CLASP1: variants seen among roughly 807,000 people sequenced by gnomAD.
The protein encoded by CLASP1 is cytoplasmic linker associated protein 1.
CLASP1 carries 38 observed loss-of-function variants against 192.3 expected under a neutral mutation model. The ratio of observed to expected loss-of-function variants is 0.20; its 90% confidence interval spans 0.15 to 0.26. The LOEUF (loss-of-function observed/expected upper bound fraction) is 0.26, where lower values mean the gene tolerates loss of function less well. Ranked by LOEUF, CLASP1 falls within the 10% of genes least tolerant of loss-of-function variation. The probability of loss-of-function intolerance (pLI) is 1.00; values close to 1 mark genes in which losing one functional copy is unlikely to be tolerated. For synonymous variants in CLASP1, 691 were observed against 712.8 expected (o/e 0.97, Z 0.49); for missense variants, 1,433 against 1,932.5 (o/e 0.74, Z 4.85).
At chr2:121,469,685 C>T in intron 9 of CLASP1, 123 bp downstream of exon 9, 3 of 880,354 alleles carry the variant, frequency 3.4e-6, no homozygotes, top group Non-Finnish European at 4.9e-6. Context: ...GAATAGCAGG[C>T]AGAAACCTGC....
intron 37 of CLASP1, among the ~76,000 whole-genome samples, chr2:121,356,030 T>C (rs2065317856): frequency 6.6e-6 from 1 of 152,258 alleles, no homozygotes; most frequent in African/African-American, 2.4e-5. Flanking sequence ...GGTGAATGTT[T>C]GCTTAAAGGT....
intron 2 of CLASP1, among the ~76,000 whole-genome samples, chr2:121,571,581 G>C (rs1450763190): frequency 6.6e-6 from 1 of 152,186 alleles, no homozygotes; most frequent in African/African-American, 2.4e-5. Flanking sequence ...GTCTGGCAAA[G>C]TGTGGTGTGG....
intron 34 of CLASP1, among the ~76,000 whole-genome samples, chr2:121,370,924 C>A (rs985889040): frequency 6.6e-6 from 1 of 152,124 alleles, no homozygotes; most frequent in Non-Finnish European, 1.5e-5. Context: ...ACACTGGGTG[C>A]CCATCTACAG....
At chr2:121,459,690 G>C in intron 12 of CLASP1, 1 of 250,228 alleles carries the variant, frequency 4.0e-6, no homozygotes, top group Non-Finnish European at 7.6e-6. Context: ...TGAAAAATCA[G>C]AGAAACAGGA....
chr2:121,373,945 C>G (rs957410367), intron 34 of CLASP1, among the ~76,000 whole-genome samples: 1 of 152,106 alleles, frequency 6.6e-6, no homozygotes, highest in Admixed American at 6.6e-5. Context: ...AAAGAAAAAC[C>G]CATTTTTGGG....
intron 19 of CLASP1, among the ~76,000 whole-genome samples, chr2:121,441,824 A>G (rs1436010375): frequency 6.6e-6 from 1 of 152,234 alleles, no homozygotes; most frequent in East Asian, 1.9e-4. Context: ...ATAGACATGC[A>G]TACTTTTTCC....
intron 30 of CLASP1, among the ~76,000 whole-genome samples, chr2:121,395,126 C>T (rs1326575932): frequency 6.6e-6 from 1 of 152,018 alleles, no homozygotes; most frequent in Non-Finnish European, 1.5e-5. Flanking sequence ...GACCAATGAG[C>T]TGGAAGAAGA....
rs115192692 is a variant in CLASP1, at chr2:121,539,998, G to A, written c.196-9673C>T. 6.4e-3 allele frequency among the ~76,000 whole-genome samples: 969 copies of A among 152,316 alleles called. 15 individuals carry two copies. The highest frequency in any genetic ancestry group is 0.023 in the African/African-American group (937 of 41,560). On this transcript the variant is annotated intron_variant, in intron 2 of 39. Transcript: ENST00000263710. ...TGGTACCACAGAAACTCTCCTACAT[G>A]CTAGCAGGAATGTAAATTGGCATAA...
intron 8 of CLASP1, among the ~76,000 whole-genome samples, chr2:121,484,919 GT>G (rs1272200686): frequency 6.6e-6 from 1 of 152,174 alleles, no homozygotes; most frequent in African/African-American, 2.4e-5. Flanking sequence ...TGGGAATACA[GT>G]ATGAATAAAA....
chr2:121,340,404 G>A (rs999042844), exon 40 of CLASP1: 1 of 155,942 alleles, frequency 6.4e-6, no homozygotes, highest in African/African-American at 2.4e-5. Context: ...GGTGTCAGCT[G>A]TGAAAGGGGC....
At chr2:121,584,519 G>C (rs2061520391) in intron 2 of CLASP1, among the ~76,000 whole-genome samples, 1 of 152,100 alleles carries the variant, frequency 6.6e-6, no homozygotes, top group Non-Finnish European at 1.5e-5. Flanking sequence ...AGGTGGAGAG[G>C]GAGGCTAAAT....
chr2:121,454,976 G>A (rs912804048), intron 14 of CLASP1, among the ~76,000 whole-genome samples: 28 of 152,188 alleles, frequency 1.8e-4, no homozygotes, highest in African/African-American at 6.3e-4. Context: ...CAAGTCAAAC[G>A]AGTAAGTGGG....
At chr2:121,469,283 T>G (rs967783083) in intron 9 of CLASP1, among the ~76,000 whole-genome samples, 1 of 152,066 alleles carries the variant, frequency 6.6e-6, no homozygotes, top group African/African-American at 2.4e-5. Flanking sequence ...CATGGCTCAC[T>G]GGGAACTGGA....
chr2:121,426,460 T>C (rs1190323749), intron 21 of CLASP1, among the ~76,000 whole-genome samples: 1 of 152,164 alleles, frequency 6.6e-6, no homozygotes, highest in Non-Finnish European at 1.5e-5. Flanking sequence ...CTAATAATAT[T>C]GAGAAACTAT....
intron 31 of CLASP1, 114 bp from the exon 33 acceptor site, chr2:121,387,342 T>C: frequency 1.3e-6 from 1 of 763,392 alleles, no homozygotes; most frequent in Admixed American, 3.6e-5. Flanking sequence ...CTGCCCAGGA[T>C]GGTTTTTTTT....
intron 8 of CLASP1, among the ~76,000 whole-genome samples, chr2:121,478,969 ACAC>A (rs2092294051): frequency 1.4e-5 from 1 of 70,228 alleles, no homozygotes; most frequent in Non-Finnish European, 2.6e-5. Flanking sequence ...CACACCACAC[ACAC>A]CACACACACA....
intron 33 of CLASP1, 123 bp downstream of exon 34, chr2:121,382,085 A>G (rs914784538): frequency 1.4e-6 from 1 of 735,904 alleles, no homozygotes; most frequent in Non-Finnish European, 2.4e-6. Context: ...TACTCCTGCT[A>G]TGTGACACCA....
chr2:121,407,194 A>C (rs926256401), intron 25 of CLASP1, among the ~76,000 whole-genome samples: 5 of 151,072 alleles, frequency 3.3e-5, no homozygotes, highest in Non-Finnish European at 5.9e-5. Context: ...CAGTCTGGGC[A>C]ACAGAGCGAG....
intron 22 of CLASP1, among the ~76,000 whole-genome samples, chr2:121,423,644 C>G (rs1219888268): frequency 6.6e-6 from 1 of 152,160 alleles, no homozygotes; most frequent in Non-Finnish European, 1.5e-5. Flanking sequence ...ATTTTCCAAA[C>G]ACAAATATGT....
Sources: allele counts gnomAD v4.1 joint callset (sites outside exome capture counted in the v4.1 genomes callset), GRCh38; gene constraint gnomAD v4.1.1; transcripts MANE v1.5; gene names NCBI Gene and HGNC (gene_info 2026-07-23, HGNC 2026-07-21).